The following TENM1 variants were observed in gnomAD, a reference collection of about 807,000 sequenced individuals.
TENM1 encodes the protein teneurin-1.
In TENM1, 35 loss-of-function variants were observed where a neutral mutation model predicts 174.8. The observed-to-expected ratio is 0.20, with a 90% CI of 0.15 to 0.27. The LOEUF is 0.27. Among genes scored for constraint, TENM1 ranks in the 10% least tolerant of loss-of-function variants. The pLI, the probability that TENM1 is intolerant of heterozygous loss-of-function variation, is 1.00. For missense variants in TENM1, 1,633 were observed against 2,130.1 expected, an observed-to-expected ratio of 0.77 and a Z score of 4.59; for synonymous variants, 781 against 798.7, an observed-to-expected ratio of 0.98 and a Z score of 0.37.
chrX:124,881,317 T>C (rs1326435403), intron 3 of TENM1, among the ~76,000 whole-genome samples: 9 of 111,883 alleles, frequency 8.0e-5, no homozygotes, highest in African/African-American at 2.9e-4. Flanking sequence ...TGTTAGTGTA[T>C]AGTTGTTCAT....
chrX:124,791,743 G>T (rs748815048), intron 3 of TENM1, among the ~76,000 whole-genome samples: 1 of 111,670 alleles, frequency 9.0e-6, no homozygotes, highest in African/African-American at 3.2e-5. Context: ...ACCCTGACAG[G>T]ATATATTAAT....
At chrX:124,664,251 A>T (rs2051683906) in intron 6 of TENM1, among the ~76,000 whole-genome samples, 1 of 111,226 alleles carries the variant, frequency 9.0e-6, no homozygotes, top group South Asian at 3.8e-4. Context: ...GGGTTGACTC[A>T]AAGGGCTGCT....
At chrX:124,487,093 T>C in intron 21 of TENM1, 116 bp downstream of exon 24, 2 of 719,351 alleles carry the variant, frequency 2.8e-6, no homozygotes, top group Non-Finnish European at 4.1e-6. Flanking sequence ...CAAATTTATG[T>C]TCACACTATT....
At chrX:124,438,928 T>C (rs2060874466) in intron 23 of TENM1, among the ~76,000 whole-genome samples, 1 of 112,185 alleles carries the variant, frequency 8.9e-6, no homozygotes, top group Non-Finnish European at 1.9e-5. Context: ...CTGCGGATAG[T>C]CTCATTGCAT....
At chrX:124,497,134 T>C in exon 20 of TENM1, 1 of 1,210,349 alleles carries the variant, frequency 8.3e-7, no homozygotes, top group Non-Finnish European at 1.1e-6. Flanking sequence ...GCAAAGAGTT[T>C]GTTGTTGTGG....
At chrX:124,750,857 CAATT>C (rs1164488860) in intron 3 of TENM1, among the ~76,000 whole-genome samples, 1 of 112,024 alleles carries the variant, frequency 8.9e-6, no homozygotes, top group African/African-American at 3.2e-5. Context: ...TTATTGCAAA[CAATT>C]AATATAAAAT....
chrX:124,939,093 T>C (rs2058287779), intron 1 of TENM1, among the ~76,000 whole-genome samples: 1 of 111,860 alleles, frequency 8.9e-6, no homozygotes. Context: ...TTTATGGACT[T>C]AGGTTGGATA....
intron 7 of TENM1, among the ~76,000 whole-genome samples, chrX:124,652,959 T>C (rs2051347077): frequency 8.9e-6 from 1 of 111,804 alleles, no homozygotes; most frequent in African/African-American, 3.3e-5. Flanking sequence ...TATAGTCATA[T>C]CTGTTGGGGA....
intron 1 of TENM1, among the ~76,000 whole-genome samples, chrX:124,944,849 A>G (rs2058379204): frequency 1.8e-5 from 2 of 110,907 alleles, no homozygotes; most frequent in Non-Finnish European, 1.9e-5. Flanking sequence ...TATGTAAAGC[A>G]TAAAGAGAAA....
At chrX:124,501,448 T>A (rs375947440) in intron 19 of TENM1, among the ~76,000 whole-genome samples, 1 of 112,021 alleles carries the variant, frequency 8.9e-6, no homozygotes, top group Non-Finnish European at 1.9e-5. Flanking sequence ...ACCCATTGCA[T>A]AATGATTTTG....
At chrX:124,857,732 T>C (rs193250988) in intron 3 of TENM1, among the ~76,000 whole-genome samples, 2 of 110,005 alleles carry the variant, frequency 1.8e-5, no homozygotes, top group African/African-American at 3.3e-5. Flanking sequence ...GTGAATTGTA[T>C]GATGTGTGAA....
intron 2 of TENM1, among the ~76,000 whole-genome samples, chrX:124,895,505 G>T (rs1461002205): frequency 9.0e-6 from 1 of 111,681 alleles, no homozygotes; most frequent in Admixed American, 9.5e-5. Flanking sequence ...AACCACTTCA[G>T]TCCAACCTGG....
chrX:124,797,035 T>C (rs1283552438), intron 3 of TENM1, among the ~76,000 whole-genome samples: 2 of 111,795 alleles, frequency 1.8e-5, no homozygotes, highest in African/African-American at 6.5e-5. Context: ...CATTTCTCTT[T>C]CCCTAGCCAC....
exon 28 of TENM1, chrX:124,392,331 T>C: frequency 8.3e-7 from 1 of 1,202,698 alleles, no homozygotes; most frequent in African/African-American, 1.7e-5. Context: ...CTATGGAGAG[T>C]AGGTTTCTGT....
the TENM1 span, among the ~76,000 whole-genome samples, chrX:125,113,464 C>A: frequency 1.8e-5 from 2 of 111,170 alleles, no homozygotes; most frequent in Non-Finnish European, 3.8e-5. Context: ...AAGACAAGGA[C>A]TGGCAAATTG....
the TENM1 span, among the ~76,000 whole-genome samples, chrX:125,025,556 G>T: frequency 9.0e-6 from 1 of 111,506 alleles, no homozygotes; most frequent in Non-Finnish European, 1.9e-5. Context: ...GAAGCATGCG[G>T]TGTTACCCAC....
At chrX:124,632,277 C>A (rs1209490736) in intron 11 of TENM1, among the ~76,000 whole-genome samples, 1 of 110,688 alleles carries the variant, frequency 9.0e-6, no homozygotes, top group Non-Finnish European at 1.9e-5. Context: ...CTGAAGCATA[C>A]ACAATAAAGT....
At chrX:125,051,575 G>C in the TENM1 span, among the ~76,000 whole-genome samples, 4 of 109,345 alleles carry the variant, frequency 3.7e-5, no homozygotes, top group Admixed American at 2.0e-4. Flanking sequence ...ACAAACCTGA[G>C]AAAAACAAGC....
At chrX:124,449,492 C>T (rs1156321527) in intron 23 of TENM1, among the ~76,000 whole-genome samples, 3 of 112,361 alleles carry the variant, frequency 2.7e-5, no homozygotes, top group Non-Finnish European at 3.8e-5. Context: ...CTTTTCTACA[C>T]AGAAACAGAA....
Sources: allele counts gnomAD v4.1 joint callset (sites outside exome capture counted in the v4.1 genomes callset), GRCh38; gene constraint gnomAD v4.1.1; transcripts MANE v1.5; gene names NCBI Gene and HGNC (gene_info 2026-07-23, HGNC 2026-07-21).